FAM118B: variants seen among roughly 807,000 people sequenced by gnomAD.
FAM118B encodes the protein SIR2 antiphage like 1, also known as protein FAM118B.
In FAM118B, 24 loss-of-function variants were observed where a neutral mutation model predicts 38.5. That is an observed-to-expected ratio of 0.62 (90% CI 0.45 to 0.88). The LOEUF is 0.88. FAM118B is among the 40% of genes least tolerant of loss of function. FAM118B has a pLI of 0.00. For missense variants in FAM118B, 334 were observed against 420.0 expected (o/e 0.80, Z 1.79); for synonymous variants, 138 against 156.3 (o/e 0.88, Z 0.87).
intron 1 of FAM118B, among the ~76,000 whole-genome samples, chr11:126,223,108 G>C (rs542671313): frequency 6.6e-5 from 10 of 151,352 alleles, no homozygotes; most frequent in African/African-American, 2.4e-4. Context: ...GGGGGAGGGG[G>C]GGGTGTTCAA....
At chr11:126,249,576 C>G (rs1950468314) in intron 4 of FAM118B, among the ~76,000 whole-genome samples, 1 of 151,644 alleles carries the variant, frequency 6.6e-6, no homozygotes, top group Non-Finnish European at 1.5e-5. Context: ...ACTAAAAATA[C>G]AAAAATTAGC....
chr11:126,232,052 T>G (rs930791190), intron 2 of FAM118B, among the ~76,000 whole-genome samples: 2 of 151,732 alleles, frequency 1.3e-5, no homozygotes, highest in Non-Finnish European at 2.9e-5. Context: ...GGACTTTAAG[T>G]TTTTTTTTGT....
rs373218871 is a variant in FAM118B at position 126,216,385 on chromosome 11, A to C, written c.-77+4555A>C. Among the ~76,000 whole-genome samples the C allele has an allele frequency of 6.6e-5, 10 of 152,126 alleles. No individual in the cohort carries two copies. In the South Asian group the frequency reaches 1.0e-3, roughly 16 times the overall value. On this transcript the variant is annotated intron_variant, in intron 1 of 8. Transcript: ENST00000533050. ...AGCGAGACTCTGTCACCAAAAAAAA[A>C]CCCAACAAAACAAAAACCGTTTCTC...
intron 1 of FAM118B, chr11:126,214,502 T>TTTTC (rs1949947321): frequency 1.7e-5 from 1 of 57,146 alleles, no homozygotes; most frequent in Non-Finnish European, 3.7e-5. Flanking sequence ...TTTTTTTTTT[T>TTTTC]GTTTTTTTTT....
At chr11:126,257,548 A>C (rs1309263323) in intron 7 of FAM118B, among the ~76,000 whole-genome samples, 1 of 151,986 alleles carries the variant, frequency 6.6e-6, no homozygotes, top group Non-Finnish European at 1.5e-5. Flanking sequence ...ATATGAGTAA[A>C]GGAAGAAAAA....
At chr11:126,258,286 T>C (rs1486805186) in intron 7 of FAM118B, among the ~76,000 whole-genome samples, 1 of 151,778 alleles carries the variant, frequency 6.6e-6, no homozygotes. Context: ...GCTTGGGAGG[T>C]TGAGGCAGGA....
intron 4 of FAM118B, among the ~76,000 whole-genome samples, chr11:126,243,882 C>T (rs370757463): frequency 3.5e-5 from 5 of 142,992 alleles, no homozygotes; most frequent in African/African-American, 7.8e-5. Context: ...ACAGCCTGGA[C>T]GACAGAGCAA....
rs1950518951 is a variant in FAM118B at position 126,252,549 on chromosome 11, C to T, written c.568-1756C>T. Among the ~76,000 whole-genome samples the T allele has an allele frequency of 6.6e-6, 1 of 151,968 alleles. No homozygotes were observed. Among genetic ancestry groups the T allele is most frequent in the South Asian group, 2.1e-4 (1 of 4,812 alleles). The stretch of plus-strand genomic sequence containing the variant: ...TCACTTGAGCCTAGTTCAAGACCAA[C>T]CTGGGCATCATAGCAAGACCCCATC... On this transcript the variant is annotated intron_variant, in intron 5 of 8. Coordinates refer to ENST00000533050, the MANE Select transcript of FAM118B (RefSeq NM_024556.4). The surrounding 1 kb of genome is among the most constrained non-coding windows in gnomAD (Gnocchi z 4.7).
intron 1 of FAM118B, among the ~76,000 whole-genome samples, chr11:126,222,047 G>A (rs1020610774): frequency 2.6e-5 from 4 of 152,168 alleles, no homozygotes; most frequent in Non-Finnish European, 5.9e-5. Context: ...CGGCTTGTTC[G>A]TTTTTGTGAG....
rs1324612375 is a variant in FAM118B at position 126,228,098 on chromosome 11, A to G, written c.-76-1127A>G. Among the ~76,000 whole-genome samples, 3 of 151,938 alleles carry G rather than the reference A, an allele frequency of 2.0e-5. No homozygotes were observed. The East Asian group carries it at 5.8e-4, about 30-fold the overall frequency. ...TAGGTGTGAGCCACTGCGCCCAGCC[A>G]AAAAACTTGTTTTTAATTTTCAGCT... On this transcript the variant is annotated intron_variant, in intron 1 of 8. Coordinates refer to ENST00000533050, the MANE Select transcript of FAM118B (RefSeq NM_024556.4).
rs1447864262 is a variant in FAM118B, at chr11:126,261,496, C to G, written c.1042+12C>G. The G allele has an allele frequency of 4.4e-6, 7 of 1,603,808 alleles. No individual in the cohort carries two copies. The highest frequency in any genetic ancestry group is 6.0e-6 in the Non-Finnish European group (7 of 1,170,810). On this transcript the variant is annotated intron_variant, in intron 8 of 8. Coordinates refer to ENST00000533050, the MANE Select transcript of FAM118B (RefSeq NM_024556.4). ...CAGTGAAATAAGAGGTATACTGTTT[C>G]CTATTCTACTATTTATCACTCTGTA...
chr11:126,215,093 T>C (rs962208201), intron 1 of FAM118B, among the ~76,000 whole-genome samples: 31 of 152,294 alleles, frequency 2.0e-4, no homozygotes, highest in South Asian at 6.2e-4. Context: ...AGTACAGTCA[T>C]TGGGAGCCAG....
chr11:126,240,884 C>T lies in FAM118B; in HGVS notation c.179C>T (p.Pro60Leu), dbSNP rs913099245. Residue 60 changes from proline to leucine, a missense_variant, in exon 4 of 9, where the codon CCA (proline) becomes CTA (leucine). Coordinates refer to ENST00000533050, the MANE Select transcript of FAM118B (RefSeq NM_024556.4). The part of the protein sequence containing the change: ...GISAAVAPQV[P>L]ALKSWKGLIQ... ...AGTGCTGCAGTTGCGCCCCAAGTTC[C>T]AGCCCTCAAATCCTGGAAGGGGTTA... is the stretch of plus-strand genomic sequence containing the variant. 1 of 1,614,062 alleles carries T rather than the reference C, an allele frequency of 6.2e-7. No homozygotes were observed. Among genetic ancestry groups the T allele is most frequent in the Non-Finnish European group, 8.5e-7 (1 of 1,180,032 alleles).
intron 1 of FAM118B, among the ~76,000 whole-genome samples, chr11:126,217,426 C>A (rs1949994673): frequency 6.6e-6 from 1 of 152,198 alleles, no homozygotes. Flanking sequence ...TGTACTTACA[C>A]CTCTGTCAAA....
At chr11:126,213,892 T>G (rs1949928138) in intron 1 of FAM118B, among the ~76,000 whole-genome samples, 1 of 152,222 alleles carries the variant, frequency 6.6e-6, no homozygotes, top group Admixed American at 6.5e-5. Context: ...ACTTTTAGGT[T>G]TGTCTTGTTG....
chr11:126,238,180 G>A (rs1233183001), intron 3 of FAM118B, among the ~76,000 whole-genome samples: 4 of 151,986 alleles, frequency 2.6e-5, no homozygotes, highest in African/African-American at 9.7e-5. Context: ...TGGCCAACCT[G>A]GTGAAACCCC....
chr11:126,231,039 T>G (rs1483193843), intron 2 of FAM118B, among the ~76,000 whole-genome samples: 1 of 152,244 alleles, frequency 6.6e-6, no homozygotes, highest in Non-Finnish European at 1.5e-5. Flanking sequence ...TTACATTTCC[T>G]GCCAAGCTGA....
chr11:126,236,717 G>A (rs541076966), intron 3 of FAM118B, among the ~76,000 whole-genome samples: 16 of 148,580 alleles, frequency 1.1e-4, no homozygotes, highest in African/African-American at 4.0e-4. Context: ...TTCAGATGTT[G>A]GACTTCTTGT....
At chr11:126,241,559 TTTA>T (rs1950358226) in intron 4 of FAM118B, among the ~76,000 whole-genome samples, 1 of 150,598 alleles carries the variant, frequency 6.6e-6, no homozygotes, top group Non-Finnish European at 1.5e-5. Flanking sequence ...TATTTATTTA[TTTA>T]TTTTTTGATG....
Sources: gnomAD v4.1 joint callset for allele counts (sites outside exome capture counted in the v4.1 genomes callset) on GRCh38, gnomAD v4.1.1 for gene constraint, Gnocchi (gnomAD v3.1) non-coding constraint, MANE v1.5 for transcripts, NCBI Gene and HGNC (gene_info 2026-07-23, HGNC 2026-07-21) for gene names.